Variants in PRKN observed in about 807,000 individuals in gnomAD.
PRKN encodes the protein E3 ubiquitin-protein ligase parkin.
In PRKN, 56 loss-of-function variants were observed where a neutral mutation model predicts 59.5. The ratio of observed to expected loss-of-function variants is 0.94; its 90% CI spans 0.76 to 1.18. The LOEUF (loss-of-function observed/expected upper bound fraction) is 1.18, where lower values mean the gene tolerates loss of function less well. PRKN is among the 50% of genes most tolerant of loss of function. The pLI is 0.00. For synonymous variants in PRKN, 250 were observed against 222.1 expected (o/e 1.13, Z -1.12); for missense variants, 657 against 596.4 (o/e 1.10, Z -1.06).
intron 7 of PRKN, among the ~76,000 whole-genome samples, chr6:161,762,211 C>T (rs930766056): frequency 6.6e-6 from 1 of 152,168 alleles, no homozygotes; most frequent in Non-Finnish European, 1.5e-5. Context: ...GACCAGAACA[C>T]TGTTGTGGTA....
At chr6:161,952,371 A>G (rs1780022485) in intron 6 of PRKN, among the ~76,000 whole-genome samples, 2 of 152,174 alleles carry the variant, frequency 1.3e-5, no homozygotes, top group African/African-American at 4.8e-5. Flanking sequence ...TAATCCCAGC[A>G]CTTTGGGAAG....
At position 162,232,601 on chromosome 6, in the gene PRKN, T is replaced by G. The variant is rs140256502; in HGVS notation, c.412+29924A>C. ...TGAAATCATTGATTTGCCTCAAGGT[T>G]GAGATTAAGCCAGTCACTTCAAACA... On this transcript the variant is annotated intron_variant, in intron 3 of 11. Transcript: ENST00000366898. Among the ~76,000 whole-genome samples, 3 of 152,310 alleles carry G rather than the reference T, an allele frequency of 2.0e-5. No homozygotes were observed. The East Asian group carries it at 5.8e-4, about 29-fold the overall frequency.
intron 1 of PRKN, 108 bp downstream of exon 1, chr6:162,727,554 G>A (rs528342807): frequency 1.1e-5 from 14 of 1,242,084 alleles, no homozygotes; most frequent in South Asian, 5.2e-5. Context: ...CTTTGGCCCC[G>A]TCATTGACAG....
chr6:162,088,776 G>A lies in PRKN; in HGVS notation c.535-34602C>T, dbSNP rs368969140. On this transcript the variant is annotated intron_variant, in intron 4 of 11. Transcript: ENST00000366898. ...CCAGGTCCAGGGGATACCTTGGTAA[G>A]TTCAACCAAATATTTGATTCGTTTT... is the stretch of plus-strand genomic sequence containing the variant. 1.6e-4 allele frequency among the ~76,000 whole-genome samples: 24 copies of A among 152,268 alleles called. No homozygotes were observed. The East Asian group carries it at 3.1e-3, about 20-fold the overall frequency.
intron 5 of PRKN, among the ~76,000 whole-genome samples, chr6:161,999,110 C>T (rs1781951121): frequency 6.6e-6 from 1 of 152,098 alleles, no homozygotes; most frequent in Non-Finnish European, 1.5e-5. Context: ...GAATTATACA[C>T]AGCTTGCCTC....
chr6:162,053,970 T>C lies in PRKN; in HGVS notation c.618+121A>G, dbSNP rs916601055. On this transcript the variant is annotated intron_variant, in intron 5 of 11. Coordinates refer to ENST00000366898, the MANE Select transcript of PRKN (RefSeq NM_004562.3). The stretch of plus-strand genomic sequence containing the variant: ...AACCTATTTAAATATCATAACACTT[T>C]TGGCAAACATTATTAGATGGAAGAA... 4 of 798,890 alleles carry C rather than the reference T, an allele frequency of 5.0e-6. No individual in the cohort carries two copies. In the African/African-American group the frequency reaches 6.7e-5, roughly 13 times the overall value. The allele number at this position is 798,890 out of a possible 1,614,324, so 49.5% of individuals were successfully genotyped here.
At chr6:161,751,403 T>A (rs955822738) in intron 7 of PRKN, among the ~76,000 whole-genome samples, 29 of 152,178 alleles carry the variant, frequency 1.9e-4, no homozygotes, top group Admixed American at 8.5e-4. Flanking sequence ...GCCTTCCCAT[T>A]CTTGAAATTC....
At chr6:161,727,167 C>T (rs1164916305) in intron 7 of PRKN, among the ~76,000 whole-genome samples, 1 of 152,196 alleles carries the variant, frequency 6.6e-6, no homozygotes, top group African/African-American at 2.4e-5. Flanking sequence ...GCTGTCGTTT[C>T]TTCACAATGG....
intron 1 of PRKN, among the ~76,000 whole-genome samples, chr6:162,643,397 C>CAAAAAAAAAAAAAAAAAAAAAAA (rs59995115): frequency 1.2e-5 from 1 of 82,492 alleles, no homozygotes. Flanking sequence ...GACTCTGCCT[C>CAAAAAAAAAAAAAAAAAAAAAAA]AAAAAAAAAA....
At chr6:161,680,785 T>TTG (rs1785329739) in intron 7 of PRKN, among the ~76,000 whole-genome samples, 1 of 119,696 alleles carries the variant, frequency 8.4e-6, no homozygotes, top group Admixed American at 9.4e-5. Context: ...ATTTTTTTTT[T>TTG]TTTTTCTTTT....
chr6:161,465,938 G>T (rs2115178235), intron 9 of PRKN, among the ~76,000 whole-genome samples: 1 of 151,716 alleles, frequency 6.6e-6, no homozygotes, highest in Middle Eastern at 3.4e-3. Context: ...AGCTTTATTA[G>T]GTATAATTGA....
chr6:161,567,050 T>TGTGTGG (rs1780678537), intron 8 of PRKN, among the ~76,000 whole-genome samples: 1 of 137,234 alleles, frequency 7.3e-6, no homozygotes, highest in Non-Finnish European at 1.5e-5. Context: ...TGTGTGTGTG[T>TGTGTGG]GTGTGTGTGA....
intron 2 of PRKN, among the ~76,000 whole-genome samples, chr6:162,438,843 T>C (rs976604766): frequency 6.6e-6 from 1 of 152,208 alleles, no homozygotes; most frequent in Admixed American, 6.5e-5. Flanking sequence ...TTGCAAACTT[T>C]GGAAGTTTCC....
chr6:162,182,075 G>A (rs1351263239), intron 4 of PRKN, among the ~76,000 whole-genome samples: 1 of 148,362 alleles, frequency 6.7e-6, no homozygotes, highest in African/African-American at 2.5e-5. Flanking sequence ...GAGAAAGAAA[G>A]GAACTGCATG....
chr6:162,404,325 G>A lies in PRKN; in HGVS notation c.171+38985C>T, dbSNP rs573951861. Among the ~76,000 whole-genome samples, 207 of 149,486 alleles carry A rather than the reference G, an allele frequency of 1.4e-3. 1 individual carries two copies. The highest frequency in any genetic ancestry group is 4.7e-3 in the African/African-American group (189 of 40,358). ...GTGGAGGTTGCAGTGAGCCGAGATC[G>A]CACGATTGCACTCCAGCCTGGGCGA... On this transcript the variant is annotated intron_variant, in intron 2 of 11. Coordinates refer to ENST00000366898, the MANE Select transcript of PRKN (RefSeq NM_004562.3).
intron 2 of PRKN, among the ~76,000 whole-genome samples, chr6:162,285,837 T>C (rs904979292): frequency 1.3e-5 from 2 of 152,202 alleles, no homozygotes; most frequent in Admixed American, 6.6e-5. Context: ...AGCCAAAGCA[T>C]GTTCACAGAA....
intron 6 of PRKN, among the ~76,000 whole-genome samples, chr6:161,831,018 T>C (rs1792476391): frequency 6.6e-6 from 1 of 152,182 alleles, no homozygotes; most frequent in African/African-American, 2.4e-5. Context: ...TTCATCTCAC[T>C]GTTATCCAGA....
rs536454602 is a variant in PRKN, at chr6:161,376,553, G to A, written c.1167+10241C>T. 8.5e-5 allele frequency among the ~76,000 whole-genome samples: 13 copies of A among 152,242 alleles called. No individual in the cohort carries two copies. In the East Asian group the frequency reaches 1.2e-3, roughly 14 times the overall value. On this transcript the variant is annotated intron_variant, in intron 10 of 11. Coordinates refer to ENST00000366898, the MANE Select transcript of PRKN (RefSeq NM_004562.3). This position sits in a 1 kb window ranked among gnomAD's most constrained non-coding sequence, Gnocchi z 7.3. ...CTCTGTATTCCCTGGCCGGATTCCT[G>A]GTGCCTGGTGTGTCTCTGGTTTGGC...
intron 6 of PRKN, among the ~76,000 whole-genome samples, chr6:161,803,615 T>A (rs142580364): frequency 2.0e-5 from 3 of 151,974 alleles, no homozygotes; most frequent in Admixed American, 6.6e-5. Context: ...AGCCGAGAGG[T>A]GTGAGAAGGC....
Sources: allele counts gnomAD v4.1 joint callset (sites outside exome capture counted in the v4.1 genomes callset), GRCh38; gene constraint gnomAD v4.1.1; non-coding constraint Gnocchi (gnomAD v3.1); transcripts MANE v1.5; gene names NCBI Gene and HGNC (gene_info 2026-07-23, HGNC 2026-07-21).